SCHIP1: variants seen among roughly 807,000 people sequenced by gnomAD.
The protein encoded by SCHIP1 is schwannomin-interacting protein 1.
SCHIP1 carries 8 observed loss-of-function variants against 29.7 expected under a neutral mutation model. That is an observed-to-expected ratio of 0.27 (90% confidence interval 0.16 to 0.49). The LOEUF (loss-of-function observed/expected upper bound fraction) is 0.49. Among genes scored for constraint, SCHIP1 ranks in the 20% least tolerant of loss-of-function variants. The pLI is 0.99. For missense variants in SCHIP1, 193 were observed against 294.6 expected, an observed-to-expected ratio of 0.66 and a Z score of 2.52; for synonymous variants, 76 against 94.9, an observed-to-expected ratio of 0.80 and a Z score of 1.16.
At chr3:159,752,390 A>G in the SCHIP1 span, among the ~76,000 whole-genome samples, 1 of 152,106 alleles carries the variant, frequency 6.6e-6, no homozygotes. Flanking sequence ...ATCATGTTGT[A>G]TGTATAATAT....
chr3:159,540,256 G>A, the SCHIP1 span, among the ~76,000 whole-genome samples: 4 of 151,958 alleles, frequency 2.6e-5, no homozygotes, highest in South Asian at 4.1e-4. Context: ...TCTCAAACAG[G>A]CTCAGTCACT....
chr3:159,421,281 G>A, the SCHIP1 span, among the ~76,000 whole-genome samples: 1 of 152,138 alleles, frequency 6.6e-6, no homozygotes, highest in African/African-American at 2.4e-5. Flanking sequence ...AGTAGTTTTA[G>A]TCTGCTCTGT....
the SCHIP1 span, among the ~76,000 whole-genome samples, chr3:159,602,167 T>A: frequency 6.6e-6 from 1 of 152,152 alleles, no homozygotes; most frequent in Non-Finnish European, 1.5e-5. Context: ...ATCTTTTCTT[T>A]CCCCTCAATA....
chr3:159,652,646 T>C, the SCHIP1 span, among the ~76,000 whole-genome samples: 54 of 152,066 alleles, frequency 3.6e-4, 1 homozygote, highest in Non-Finnish European at 6.5e-4. Flanking sequence ...ACCTCACAGA[T>C]AAGATGGGTG....
chr3:159,557,096 T>C, the SCHIP1 span, among the ~76,000 whole-genome samples: 1 of 151,912 alleles, frequency 6.6e-6, no homozygotes, highest in African/African-American at 2.4e-5. Flanking sequence ...TAGCTGGGAC[T>C]GCATGCATCC....
chr3:159,885,638 G>A (rs1716889468), intron 2 of SCHIP1, among the ~76,000 whole-genome samples: 1 of 152,220 alleles, frequency 6.6e-6, no homozygotes, highest in Admixed American at 6.5e-5. Flanking sequence ...ATTTTTTTAA[G>A]TGTGAACCTG....
At chr3:159,490,831 T>C in the SCHIP1 span, among the ~76,000 whole-genome samples, 2 of 152,158 alleles carry the variant, frequency 1.3e-5, no homozygotes, top group African/African-American at 4.8e-5. Flanking sequence ...TGATTACTTA[T>C]ACAGAGAGAT....
the SCHIP1 span, among the ~76,000 whole-genome samples, chr3:159,787,031 G>A: frequency 2.6e-5 from 4 of 151,906 alleles, no homozygotes; most frequent in Admixed American, 2.6e-4. Context: ...GTTGACTTTG[G>A]GTCTGATTAG....
the SCHIP1 span, among the ~76,000 whole-genome samples, chr3:159,384,468 C>A: frequency 0.015 from 2,086 of 141,958 alleles, 50 homozygotes; most frequent in African/African-American, 0.052. Context: ...CCCACTTGAT[C>A]ATGGTGGATA....
At chr3:159,645,917 C>A in the SCHIP1 span, among the ~76,000 whole-genome samples, 38 of 152,088 alleles carry the variant, frequency 2.5e-4, no homozygotes, top group Non-Finnish European at 5.0e-4. Context: ...AATTTTGATA[C>A]CATTGTGTTT....
chr3:159,439,607 T>A, the SCHIP1 span, among the ~76,000 whole-genome samples: 1 of 152,162 alleles, frequency 6.6e-6, no homozygotes, highest in African/African-American at 2.4e-5. Context: ...CTGATTGCGG[T>A]TTTGATTTGC....
chr3:159,427,048 G>C, the SCHIP1 span, among the ~76,000 whole-genome samples: 1 of 152,112 alleles, frequency 6.6e-6, no homozygotes, highest in Non-Finnish European at 1.5e-5. Context: ...AATAATAAGA[G>C]CTATCTATGA....
Position 159,864,072 on chromosome 3 carries a change from G to A in SCHIP1, c.31-2091G>A, listed in dbSNP as rs527390730. ...TATACTCAACAGTTTTCTGCCTGTT[G>A]AGGACTTTGGTGAGAATCTCTTTTG... is the stretch of plus-strand genomic sequence containing the variant. On this transcript the variant is annotated intron_variant, in intron 1 of 6. Coordinates refer to ENST00000445224, the Ensembl canonical transcript of SCHIP1. Among the ~76,000 whole-genome samples the A allele has an allele frequency of 2.6e-5, 4 of 152,280 alleles. No individual in the cohort carries two copies. The South Asian group carries it at 8.3e-4, about 32-fold the overall frequency.
chr3:159,600,738 C>T, the SCHIP1 span, among the ~76,000 whole-genome samples: 1 of 152,048 alleles, frequency 6.6e-6, no homozygotes, highest in Non-Finnish European at 1.5e-5. Flanking sequence ...TATTTCCTTG[C>T]TTTTTTCACA....
At chr3:159,339,635 CTTATT>C in the SCHIP1 span, among the ~76,000 whole-genome samples, 2 of 152,156 alleles carry the variant, frequency 1.3e-5, no homozygotes, top group South Asian at 4.1e-4. Flanking sequence ...CATGCATTGA[CTTATT>C]TAACAGATGT....
chr3:159,403,819 C>T, the SCHIP1 span, among the ~76,000 whole-genome samples: 1 of 152,024 alleles, frequency 6.6e-6, no homozygotes, highest in Non-Finnish European at 1.5e-5. Flanking sequence ...CAAGGTGGCA[C>T]CACCCCTCTC....
the SCHIP1 span, among the ~76,000 whole-genome samples, chr3:159,395,482 C>G: frequency 6.6e-6 from 1 of 151,314 alleles, no homozygotes; most frequent in Non-Finnish European, 1.5e-5. Context: ...CCTCTACACA[C>G]TGCTTTGAAT....
At chr3:159,381,564 C>T in the SCHIP1 span, among the ~76,000 whole-genome samples, 1 of 151,900 alleles carries the variant, frequency 6.6e-6, no homozygotes, top group Non-Finnish European at 1.5e-5. Context: ...ACAGTTACAC[C>T]CTGGTCTCAG....
At chr3:159,659,252 G>A in the SCHIP1 span, among the ~76,000 whole-genome samples, 1 of 152,160 alleles carries the variant, frequency 6.6e-6, no homozygotes, top group Admixed American at 6.5e-5. Flanking sequence ...CTTGGGCTTG[G>A]TTTCAGGACC....
Sources: gnomAD v4.1 joint callset for allele counts (sites outside exome capture counted in the v4.1 genomes callset) on GRCh38, gnomAD v4.1.1 for gene constraint, MANE v1.5 for transcripts, NCBI Gene and HGNC (gene_info 2026-07-23, HGNC 2026-07-21) for gene names.